The following HEXB variants were observed in gnomAD, a reference collection of about 807,000 sequenced individuals.
HEXB encodes hexosaminidase subunit beta, also known as beta-hexosaminidase subunit beta.
HEXB carries 51 observed loss-of-function variants against 71.2 expected under a neutral mutation model. That is an observed-to-expected ratio of 0.72 (90% CI 0.57 to 0.90). The LOEUF is 0.90. HEXB is among the 40% of genes least tolerant of loss of function. HEXB has a pLI of 0.00. For synonymous variants in HEXB, 266 were observed against 249.3 expected (o/e 1.07, Z -0.63); for missense variants, 617 against 677.0 (o/e 0.91, Z 0.98).
At chr5:74,657,346 C>A (rs1411191515) in intron 1 of HEXB, among the ~76,000 whole-genome samples, 2 of 152,174 alleles carry the variant, frequency 1.3e-5, no homozygotes, top group Non-Finnish European at 2.9e-5. Context: ...CTGCCTGGAA[C>A]TTTTACCATA....
At chr5:74,643,960 G>A (rs925897720) in intron 1 of HEXB, among the ~76,000 whole-genome samples, 10 of 152,206 alleles carry the variant, frequency 6.6e-5, no homozygotes, top group African/African-American at 1.9e-4. Context: ...CCTTCCCCGA[G>A]TTATTTGCTA....
intron 1 of HEXB, among the ~76,000 whole-genome samples, chr5:74,661,555 GTGTGTGTGTC>G (rs1259292704): frequency 7.6e-4 from 53 of 69,784 alleles, no homozygotes; most frequent in African/African-American, 3.2e-3. Context: ...GTGTGTGTGT[GTGTGTGTGTC>G]TCTCTCTCTC....
At position 74,689,470 on chromosome 5, in the gene HEXB, T is replaced by A. The variant is rs1264174384; in HGVS notation, c.442T>A (p.Ser148Thr). ...DAFPNISSDE[S>T]YTLLVKEPVA... Reference sequence around the variant, plus strand: ...TTTCCCCAACATATCTTCAGATGAGTCTTGTAAGTACCTATGCAATGTGAG... The same window carrying A: ...TTTCCCCAACATATCTTCAGATGAGACTTGTAAGTACCTATGCAATGTGAG... The change falls in exon 2 of 14, where the codon TCT becomes ACT. Residue 148 changes from serine (S) to threonine (T), a missense_variant. Ser to Thr is a moderately conservative substitution (Grantham distance 58). Coordinates refer to ENST00000261416, the MANE Select transcript of HEXB (RefSeq NM_000521.4). 6.2e-7 allele frequency: 1 copy of A among 1,613,036 alleles called. No homozygotes were observed. Among genetic ancestry groups the A allele is most frequent in the African/African-American group, 1.3e-5 (1 of 74,880 alleles).
chr5:74,699,982 A>G (rs1749221211), intron 5 of HEXB, among the ~76,000 whole-genome samples: 1 of 129,388 alleles, frequency 7.7e-6, no homozygotes, highest in Non-Finnish European at 1.7e-5. Flanking sequence ...TATATTTTAT[A>G]TTATAAACTG....
At chr5:74,709,035 G>A (rs1406030505) in intron 6 of HEXB, among the ~76,000 whole-genome samples, 1 of 151,162 alleles carries the variant, frequency 6.6e-6, no homozygotes, top group Non-Finnish European at 1.5e-5. Flanking sequence ...TGACCACATA[G>A]TTGGAAGTAA....
chr5:74,683,765 C>A (rs1355432508), upstream of HEXB, among the ~76,000 whole-genome samples: 1 of 151,654 alleles, frequency 6.6e-6, no homozygotes, highest in Non-Finnish European at 1.5e-5. Context: ...TGCCAAAGTG[C>A]CACACTTTGG....
intron 1 of HEXB, among the ~76,000 whole-genome samples, chr5:74,666,774 C>A (rs1334399713): frequency 6.6e-6 from 1 of 152,112 alleles, no homozygotes; most frequent in Non-Finnish European, 1.5e-5. Context: ...GGGAGCAGAA[C>A]CTTTTCTAGC....
chr5:74,713,465 T>A, intron 6 of HEXB, 41 bp from the exon 7 acceptor site: 1 of 1,598,050 alleles, frequency 6.3e-7, no homozygotes, highest in Non-Finnish European at 8.6e-7. Flanking sequence ...GGATCAAATC[T>A]ACGTTGTACA....
rs563370059 is a variant in HEXB at position 74,694,291 on chromosome 5, T to TA, written c.511+588dup. ...CTTGGGACTGTAATGTTTATAGCAC[T>TA]ACACATGGCCCCAACCTGTCCTGAT... On this transcript the variant is annotated intron_variant, in intron 3 of 13. Transcript: ENST00000261416. Among the ~76,000 whole-genome samples, 14 of 152,376 alleles carry TA rather than the reference T, an allele frequency of 9.2e-5. No homozygotes were observed. The East Asian group carries it at 2.7e-3, about 29-fold the overall frequency.
At chr5:74,706,221 T>C in intron 6 of HEXB, 1 of 152,226 alleles carries the variant, frequency 6.6e-6, no homozygotes, top group East Asian at 1.9e-4. Context: ...AAAAGGCCTG[T>C]TCTTTAAGAA....
At chr5:74,665,703 C>A (rs534224016) in intron 1 of HEXB, among the ~76,000 whole-genome samples, 165 of 152,224 alleles carry the variant, frequency 1.1e-3, no homozygotes, top group Non-Finnish European at 2.1e-3. Context: ...AACTGCAAGA[C>A]CAAAGACTCT....
chr5:74,675,882 A>G (rs944985134), intron 1 of HEXB, among the ~76,000 whole-genome samples: 2 of 152,186 alleles, frequency 1.3e-5, no homozygotes, highest in African/African-American at 2.4e-5. Context: ...TTCTTGTATA[A>G]TCTCTCAGAG....
chr5:74,663,476 C>T (rs1332370175), intron 1 of HEXB, among the ~76,000 whole-genome samples: 3 of 152,116 alleles, frequency 2.0e-5, no homozygotes, highest in Non-Finnish European at 4.4e-5. Flanking sequence ...CAGGCATGAG[C>T]CACCGTGCCT....
chr5:74,713,018 C>T (rs1274065808), intron 6 of HEXB, among the ~76,000 whole-genome samples: 2 of 152,042 alleles, frequency 1.3e-5, no homozygotes, highest in Non-Finnish European at 2.9e-5. Flanking sequence ...AACAGCTATG[C>T]TTTGTAATAA....
chr5:74,677,142 C>A (rs938116999), intron 1 of HEXB, among the ~76,000 whole-genome samples: 4 of 152,150 alleles, frequency 2.6e-5, no homozygotes, highest in African/African-American at 7.2e-5. Context: ...GCCTCAGCCT[C>A]CCAAAGTGCT....
chr5:74,670,947 C>T lies in HEXB; in HGVS notation c.-376-18381C>T, dbSNP rs554653363. Among the ~76,000 whole-genome samples the T allele has an allele frequency of 6.7e-4, 102 of 152,226 alleles. 1 individual carries two copies. Among genetic ancestry groups the T allele is most frequent in the African/African-American group, 1.7e-3 (69 of 41,530 alleles). On this transcript the variant is annotated intron_variant, in intron 1 of 13. Coordinates refer to the HEXB transcript ENST00000511181. The stretch of plus-strand genomic sequence containing the variant: ...GCAGGATCTGTACCAGAATGCAGGC[C>T]GGGTGCAGCCCAGGAGGCCAAGTGG...
chr5:74,692,252 C>G (rs1402709567), intron 2 of HEXB, among the ~76,000 whole-genome samples: 1 of 149,994 alleles, frequency 6.7e-6, no homozygotes, highest in Non-Finnish European at 1.5e-5. Context: ...AATCCCAACA[C>G]TTTGGGAGGC....
At chr5:74,664,471 C>CTGAATA (rs1170479553) in intron 1 of HEXB, among the ~76,000 whole-genome samples, 1 of 131,140 alleles carries the variant, frequency 7.6e-6, no homozygotes, top group East Asian at 2.2e-4. Context: ...AGAGAGAATA[C>CTGAATA]TGAATAGATG....
chr5:74,713,214 T>G (rs1187866218), intron 6 of HEXB, among the ~76,000 whole-genome samples: 1 of 152,222 alleles, frequency 6.6e-6, no homozygotes, highest in African/African-American at 2.4e-5. Context: ...CAAAGTATAC[T>G]GAGAATTTAT....
Sources: allele counts gnomAD v4.1 joint callset (sites outside exome capture counted in the v4.1 genomes callset), GRCh38; gene constraint gnomAD v4.1.1; transcripts MANE v1.5; gene names NCBI Gene and HGNC (gene_info 2026-07-23, HGNC 2026-07-21).